Variants in RIMS2 observed in about 807,000 individuals in gnomAD.
The protein encoded by RIMS2 is regulating synaptic membrane exocytosis protein 2.
In RIMS2, 59 loss-of-function variants were observed where a neutral mutation model predicts 174.4. The ratio of observed to expected loss-of-function variants is 0.34; its 90% CI spans 0.27 to 0.42. The LOEUF (loss-of-function observed/expected upper bound fraction) is 0.42, where lower values mean the gene tolerates loss of function less well. RIMS2 is among the 10% of genes least tolerant of loss of function. The probability of loss-of-function intolerance (pLI) is 1.00; values close to 1 mark genes in which losing one functional copy is unlikely to be tolerated. For missense variants in RIMS2, 1,620 were observed against 1,666.3 expected, an observed-to-expected ratio of 0.97 and a Z score of 0.48; for synonymous variants, 606 against 572.5, an observed-to-expected ratio of 1.06 and a Z score of -0.84.
intron 4 of RIMS2, among the ~76,000 whole-genome samples, chr8:103,909,184 G>C (rs2075144775): frequency 6.6e-6 from 1 of 151,994 alleles, no homozygotes; most frequent in Admixed American, 6.6e-5. Flanking sequence ...ATATTTCATT[G>C]TTTTACCCTT....
chr8:103,820,653 ATATATT>A (rs1287984030), intron 3 of RIMS2, among the ~76,000 whole-genome samples: 3 of 151,922 alleles, frequency 2.0e-5, no homozygotes, highest in African/African-American at 7.2e-5. Flanking sequence ...CTGATGATAA[ATATATT>A]TATAACCTTT....
intron 19 of RIMS2, among the ~76,000 whole-genome samples, chr8:104,225,277 T>A (rs1375064310): frequency 6.6e-6 from 1 of 152,100 alleles, no homozygotes; most frequent in Admixed American, 6.5e-5. Context: ...ACCAAGATGG[T>A]AGGTAATAGA....
At chr8:104,020,873 G>A (rs1215374985) in intron 19 of RIMS2, among the ~76,000 whole-genome samples, 2 of 151,884 alleles carry the variant, frequency 1.3e-5, no homozygotes, top group African/African-American at 4.8e-5. Context: ...TTAATACTTA[G>A]ATTTGATTTT....
Position 103,605,169 on chromosome 8 carries a change from A to T in RIMS2, c.177-91917A>T, listed in dbSNP as rs12381501. ...GATAGCTCTTCTTATTTTGAGATAC[A>T]TCCCATCAATACCTAATTTATTAAG... On this transcript the variant is annotated intron_variant, in intron 1 of 23. Coordinates refer to ENST00000504942, the Ensembl canonical transcript of RIMS2. Among the ~76,000 whole-genome samples the T allele has an allele frequency of 1.1e-4, 3 of 26,730 alleles. 1 individual carries two copies. Among genetic ancestry groups the T allele is most frequent in the Non-Finnish European group, 1.8e-4 (3 of 16,702 alleles). The allele number at this position is 26,730 out of a possible 152,430, so 17.5% of individuals were successfully genotyped here.
intron 1 of RIMS2, among the ~76,000 whole-genome samples, chr8:103,658,763 T>C (rs1488399248): frequency 6.6e-6 from 1 of 152,224 alleles, no homozygotes; most frequent in Non-Finnish European, 1.5e-5. Flanking sequence ...CTCCCTTGTC[T>C]CCTCCAGAGT....
intron 12 of RIMS2, among the ~76,000 whole-genome samples, chr8:103,932,902 A>G (rs1338623797): frequency 6.6e-6 from 1 of 152,056 alleles, no homozygotes; most frequent in Non-Finnish European, 1.5e-5. Context: ...CATGCCTGTA[A>G]TCCCAGCACT....
At chr8:104,244,836 A>G in intron 19 of RIMS2, 80 bp from the exon 26 acceptor site, 2 of 1,108,966 alleles carry the variant, frequency 1.8e-6, no homozygotes, top group Non-Finnish European at 2.7e-6. Context: ...TTTGCATCTG[A>G]TGATCTCAGA....
At chr8:103,973,241 G>A (rs760426214) in intron 15 of RIMS2, among the ~76,000 whole-genome samples, 6 of 152,142 alleles carry the variant, frequency 3.9e-5, no homozygotes, top group Non-Finnish European at 8.8e-5. Flanking sequence ...CTGTGGTATT[G>A]ACACTTAATT....
chr8:103,824,265 A>G (rs1393276332), intron 3 of RIMS2, among the ~76,000 whole-genome samples: 1 of 152,122 alleles, frequency 6.6e-6, no homozygotes, highest in Non-Finnish European at 1.5e-5. Flanking sequence ...CTTCTGTATG[A>G]TCATAAAGGA....
intron 2 of RIMS2, among the ~76,000 whole-genome samples, chr8:103,722,620 T>C (rs1448827843): frequency 2.0e-5 from 3 of 152,130 alleles, no homozygotes; most frequent in African/African-American, 4.8e-5. Context: ...GCTATAAATA[T>C]AGATAAAGTT....
At chr8:103,733,898 G>A (rs1205841835) in intron 2 of RIMS2, among the ~76,000 whole-genome samples, 1 of 151,652 alleles carries the variant, frequency 6.6e-6, no homozygotes, top group Non-Finnish European at 1.5e-5. Context: ...CACCTGCTTT[G>A]GGTTTTTATG....
At chr8:103,653,045 A>T (rs2096480202) in intron 1 of RIMS2, among the ~76,000 whole-genome samples, 1 of 152,206 alleles carries the variant, frequency 6.6e-6, no homozygotes. Context: ...ATTAAAAGAT[A>T]TTAACCCCCA....
At chr8:103,942,990 G>A in intron 14 of RIMS2, 64 bp downstream of exon 16, 1 of 1,208,132 alleles carries the variant, frequency 8.3e-7, no homozygotes, top group Non-Finnish European at 1.2e-6. Flanking sequence ...TGATGTATGT[G>A]ATAAAGAACT....
intron 19 of RIMS2, among the ~76,000 whole-genome samples, chr8:104,197,177 C>CTT (rs34674014): frequency 2.5e-3 from 351 of 138,542 alleles, no homozygotes; most frequent in Non-Finnish European, 3.0e-3. Context: ...TAAACATAAG[C>CTT]TTTTTTTTTT....
Position 103,885,763 on chromosome 8 carries a change from G to A in RIMS2, c.1164G>A (p.Met388Ile), listed in dbSNP as rs554000431. The change falls in exon 4 of 24, where the codon ATG (methionine) becomes ATA (isoleucine). Residue 388 changes from methionine (M) to isoleucine (I), a missense_variant. Transcript: ENST00000504942. The stretch of plus-strand genomic sequence containing the variant: ...ATTCCAGGATTTCTATGCTAAGGAT[G>A]GATCGACCATCAAGGCAAAGATCTA... 9.9e-6 allele frequency: 16 copies of A among 1,612,928 alleles called. No individual in the cohort carries two copies. In the African/African-American group the frequency reaches 2.0e-4, roughly 20 times the overall value.
At chr8:103,650,022 C>T (rs751829809) in intron 1 of RIMS2, among the ~76,000 whole-genome samples, 7 of 152,072 alleles carry the variant, frequency 4.6e-5, no homozygotes, top group Admixed American at 1.3e-4. Context: ...GAGTTTTTAG[C>T]GTTTTTGTGT....
intron 2 of RIMS2, among the ~76,000 whole-genome samples, chr8:103,714,558 A>T (rs2097346012): frequency 6.6e-6 from 1 of 152,144 alleles, no homozygotes; most frequent in Non-Finnish European, 1.5e-5. Flanking sequence ...ACCTCTATCT[A>T]AAGAAGGATT....
intron 2 of RIMS2, among the ~76,000 whole-genome samples, chr8:103,742,949 T>C (rs1301885260): frequency 6.6e-6 from 1 of 152,190 alleles, no homozygotes; most frequent in Non-Finnish European, 1.5e-5. Flanking sequence ...ACAGCATTAG[T>C]TTATTATAAG....
chr8:103,784,061 G>A (rs1306109459), intron 3 of RIMS2, among the ~76,000 whole-genome samples: 1 of 150,052 alleles, frequency 6.7e-6, no homozygotes, highest in Non-Finnish European at 1.5e-5. Flanking sequence ...CTGCATAAAT[G>A]TCTTCTTTTG....
Sources: gnomAD v4.1 joint callset for allele counts (sites outside exome capture counted in the v4.1 genomes callset) on GRCh38, gnomAD v4.1.1 for gene constraint, MANE v1.5 for transcripts, NCBI Gene and HGNC (gene_info 2026-07-23, HGNC 2026-07-21) for gene names.